The following RUNX1 variants were observed in gnomAD, a reference collection of about 807,000 sequenced individuals.
RUNX1 encodes runt-related transcription factor 1.
Under a neutral mutation model 42.8 loss-of-function variants are expected in RUNX1, and 19 were observed. The observed-to-expected ratio is 0.44, with a 90% confidence interval of 0.31 to 0.65. The LOEUF (loss-of-function observed/expected upper bound fraction) is 0.65. Ranked by LOEUF, RUNX1 falls within the 30% of genes least tolerant of loss-of-function variation. The pLI is 0.07. For missense variants in RUNX1, 528 were observed against 672.0 expected, an observed-to-expected ratio of 0.79 and a Z score of 2.37; for synonymous variants, 271 against 289.4, an observed-to-expected ratio of 0.94 and a Z score of 0.64.
At position 34,792,806 on chromosome 21, in the gene RUNX1, A is replaced by G. The variant is rs1038610037; in HGVS notation, c.968-196T>C. ...GAGGACGAGGATTACCCAGGATGCT[A>G]TACCCAGGGGGACAGGGACCACCCA... On this transcript the variant is annotated intron_variant, in intron 8 of 8. Transcript: ENST00000675419. This position sits in a 1 kb window ranked among gnomAD's most constrained non-coding sequence, Gnocchi z 6.9. Among the ~76,000 whole-genome samples the G allele has an allele frequency of 5.3e-5, 8 of 151,326 alleles. No individual in the cohort carries two copies. Among genetic ancestry groups the G allele is most frequent in the African/African-American group, 1.9e-4 (8 of 41,118 alleles).
At chr21:34,875,006 G>A (rs1170957335) in intron 5 of RUNX1, among the ~76,000 whole-genome samples, 1 of 152,228 alleles carries the variant, frequency 6.6e-6, no homozygotes, top group East Asian at 1.9e-4. Flanking sequence ...GTGGAGAGAA[G>A]TACAGCTTCT....
chr21:34,928,972 G>A (rs572518014), intron 2 of RUNX1, among the ~76,000 whole-genome samples: 2 of 140,940 alleles, frequency 1.4e-5, no homozygotes, highest in East Asian at 4.3e-4. Context: ...GGGGGGGGGG[G>A]TAGATTTCAC....
intron 2 of RUNX1, among the ~76,000 whole-genome samples, chr21:34,903,052 A>G (rs2058189785): frequency 6.6e-6 from 1 of 152,230 alleles, no homozygotes; most frequent in Non-Finnish European, 1.5e-5. Context: ...AGATTCAAGA[A>G]GATATGATTT....
chr21:34,853,617 T>C (rs770582080), intron 6 of RUNX1, among the ~76,000 whole-genome samples: 1 of 152,220 alleles, frequency 6.6e-6, no homozygotes, highest in South Asian at 2.1e-4. Flanking sequence ...TAAATTAATA[T>C]GCGTGAAGCA....
intron 2 of RUNX1, among the ~76,000 whole-genome samples, chr21:35,018,172 C>A (rs2059173140): frequency 6.6e-6 from 1 of 152,154 alleles, no homozygotes; most frequent in Non-Finnish European, 1.5e-5. Context: ...ACTACAGGCA[C>A]ATGCCACCAT....
At chr21:35,043,255 G>A (rs1297944605) in intron 2 of RUNX1, among the ~76,000 whole-genome samples, 1 of 152,170 alleles carries the variant, frequency 6.6e-6, no homozygotes, top group African/African-American at 2.4e-5. Flanking sequence ...GAGGGAAGAG[G>A]TCAAGAAAGA....
rs1402078995 is a variant in RUNX1, at chr21:34,792,013, C to T, written c.*122G>A. ...GATCCTGGCCGTCGGGCGCCCTCGGCCCCAGGACGGTGGCCGGGCCCAGGG... is the reference window on the plus strand; with the variant it reads ...GATCCTGGCCGTCGGGCGCCCTCGGTCCCAGGACGGTGGCCGGGCCCAGGG... On this transcript the variant is annotated 3_prime_UTR_variant, in exon 9 of 9. Transcript: ENST00000675419. This position sits in a 1 kb window ranked among gnomAD's most constrained non-coding sequence, Gnocchi z 6.9. 6.7e-6 allele frequency: 4 copies of T among 597,616 alleles called. No individual in the cohort carries two copies. The East Asian group carries it at 1.4e-4, about 21-fold the overall frequency. 37.0% of individuals were successfully genotyped at this position (597,616 alleles called of 1,614,324 possible).
chr21:34,885,304 C>G (rs1569082797), intron 4 of RUNX1, among the ~76,000 whole-genome samples: 1 of 152,116 alleles, frequency 6.6e-6, no homozygotes, highest in Non-Finnish European at 1.5e-5. Context: ...CCTGTTGGGT[C>G]CCCTCTCAAT....
intron 2 of RUNX1, among the ~76,000 whole-genome samples, chr21:35,008,247 G>A (rs1288277777): frequency 6.6e-6 from 1 of 152,226 alleles, no homozygotes; most frequent in Non-Finnish European, 1.5e-5. Context: ...GTGGTGCCAT[G>A]TACACATTCG....
intron 2 of RUNX1, among the ~76,000 whole-genome samples, chr21:35,028,464 A>T (rs1276564704): frequency 2.0e-5 from 3 of 152,138 alleles, no homozygotes; most frequent in Non-Finnish European, 4.4e-5. Context: ...TGGCTGCCTC[A>T]TTCATTTCTT....
chr21:34,931,336 T>TTATATA (rs377566009), intron 2 of RUNX1, among the ~76,000 whole-genome samples: 1 of 143,354 alleles, frequency 7.0e-6, no homozygotes, highest in Admixed American at 7.0e-5. Context: ...ATATACACAT[T>TTATATA]TATATATATA....
intron 2 of RUNX1, among the ~76,000 whole-genome samples, chr21:34,894,775 C>T (rs2058115321): frequency 6.6e-6 from 1 of 151,812 alleles, no homozygotes; most frequent in Non-Finnish European, 1.5e-5. Flanking sequence ...CTGATTTAAT[C>T]CTCACAAGAA....
chr21:34,792,566 C>T lies in RUNX1; in HGVS notation c.1012G>A (p.Ala338Thr), dbSNP rs2056460468. The change falls in exon 9 of 9, where the codon GCG becomes ACG. Residue 338 changes from alanine to threonine, a missense_variant. Physicochemically the swap from Ala to Thr is moderately conservative, Grantham distance 58. Transcript: ENST00000675419. The surrounding 1 kb of genome is among the most constrained non-coding windows in gnomAD (Gnocchi z 6.9). ...CGGGGGTCGGAGATGGAGGGCAGCGCGGGGAACTGGCGCGGGTCGCTGAAC... is the reference window on the plus strand; with the variant it reads ...CGGGGGTCGGAGATGGAGGGCAGCGTGGGGAACTGGCGCGGGTCGCTGAAC... Reference protein sequence around the residue: ...TAFSDPRQFPALPSISDPRMH... With the variant: ...TAFSDPRQFPTLPSISDPRMH... The T allele has an allele frequency of 1.2e-6, 2 of 1,606,334 alleles. No homozygotes were observed. Among genetic ancestry groups the T allele is most frequent in the African/African-American group, 1.3e-5 (1 of 74,928 alleles).
chr21:34,948,998 C>T (rs938445078), intron 2 of RUNX1, among the ~76,000 whole-genome samples: 8 of 152,088 alleles, frequency 5.3e-5, no homozygotes, highest in Admixed American at 3.3e-4. Flanking sequence ...TCGTAATCTG[C>T]CCACCTCGGC....
chr21:35,029,652 C>T (rs529410973), intron 2 of RUNX1, among the ~76,000 whole-genome samples: 1 of 152,274 alleles, frequency 6.6e-6, no homozygotes, highest in East Asian at 1.9e-4. Flanking sequence ...GCCTACTGCT[C>T]TTCCTGGTCC....
In RUNX1 at chr21:34,843,325, C is replaced by T. The variant is rs1365507429; in HGVS notation, c.614-8724G>A. ...ACATGCACAGACACACATACACATA[C>T]AGACACAAACCAGGACAGACACATA... On this transcript the variant is annotated intron_variant, in intron 6 of 8. Transcript: ENST00000675419. The surrounding 1 kb of genome is among the most constrained non-coding windows in gnomAD (Gnocchi z 4.8). Among the ~76,000 whole-genome samples the T allele has an allele frequency of 2.6e-5, 4 of 152,060 alleles. No homozygotes were observed. Among genetic ancestry groups the T allele is most frequent in the Non-Finnish European group, 5.9e-5 (4 of 68,004 alleles).
intron 5 of RUNX1, among the ~76,000 whole-genome samples, chr21:34,860,077 C>T (rs1040321335): frequency 2.4e-4 from 36 of 152,216 alleles, no homozygotes; most frequent in African/African-American, 6.7e-4. Flanking sequence ...TTTTAAAAGA[C>T]GAAGTCTGGC....
chr21:34,848,227 A>C (rs1433326310), intron 6 of RUNX1, among the ~76,000 whole-genome samples: 5 of 152,228 alleles, frequency 3.3e-5, no homozygotes, highest in African/African-American at 1.2e-4. Context: ...CCCGAAGGGG[A>C]GGCCAGGCTG....
intron 2 of RUNX1, among the ~76,000 whole-genome samples, chr21:34,944,715 G>C (rs1283463869): frequency 6.6e-6 from 1 of 152,070 alleles, no homozygotes; most frequent in Non-Finnish European, 1.5e-5. Flanking sequence ...GGGTTTTTGT[G>C]GCTAGAGAAT....
Sources: gnomAD v4.1 joint callset for allele counts (sites outside exome capture counted in the v4.1 genomes callset) on GRCh38, gnomAD v4.1.1 for gene constraint, Gnocchi (gnomAD v3.1) non-coding constraint, MANE v1.5 for transcripts, NCBI Gene and HGNC (gene_info 2026-07-23, HGNC 2026-07-21) for gene names.